Variants in HELQ observed in about 807,000 individuals in gnomAD.
The protein encoded by HELQ is helicase, POLQ like.
HELQ carries 77 observed loss-of-function variants against 111.6 expected under a neutral mutation model. The ratio of observed to expected loss-of-function variants is 0.69; its 90% CI spans 0.57 to 0.83. The LOEUF (loss-of-function observed/expected upper bound fraction) is 0.83. Ranked by LOEUF, HELQ falls within the 40% of genes least tolerant of loss-of-function variation. The pLI, the probability that HELQ is intolerant of heterozygous loss-of-function variation, is 0.00. For missense variants in HELQ, 1,200 were observed against 1,288.5 expected, an observed-to-expected ratio of 0.93 and a Z score of 1.05; for synonymous variants, 438 against 454.7, an observed-to-expected ratio of 0.96 and a Z score of 0.47.
chr4:83,439,806 CAT>C lies in HELQ; in HGVS notation c.1808+55_1808+56del. On this transcript the variant is annotated intron_variant, in intron 8 of 17. Transcript: ENST00000295488. ...TAGTGTTTGCCCAATAAAATTAATA[CAT>C]AGTCTGTAATTCCTAATAAAAATAA... 2.6e-6 allele frequency: 3 copies of C among 1,139,848 alleles called. No individual in the cohort carries two copies. The South Asian group carries it at 4.2e-5, about 16-fold the overall frequency. 70.6% of individuals were successfully genotyped at this position (1,139,848 alleles called of 1,614,324 possible).
intron 6 of HELQ, among the ~76,000 whole-genome samples, chr4:83,443,197 T>C (rs945895703): frequency 1.1e-4 from 16 of 152,242 alleles, no homozygotes; most frequent in Non-Finnish European, 2.2e-4. Flanking sequence ...CACTAAAATT[T>C]TGCCAAATAA....
Position 83,431,665 on chromosome 4 carries a change from T to G in HELQ, c.2294A>C (p.Lys765Thr). The change falls in exon 11 of 18, where the codon AAG (lysine) becomes ACG (threonine). Residue 765 changes from lysine (K) to threonine (T), a missense_variant and splice_region_variant. Around this residue, in one of 3 missense-constraint regions of HELQ, gnomAD observed 585 missense variants for 665.3 expected, o/e 0.88. Coordinates refer to ENST00000295488, the MANE Select transcript of HELQ (RefSeq NM_133636.5). The stretch of plus-strand genomic sequence containing the variant: ...AGATAAAAAATTTAAGAAAAATACC[T>G]TCAAACCAATCAAAGAGAGAAATAA... The part of the protein sequence containing the change: ...QTLFLSLIGL[K>T]IATNLDDIYH... 1 of 1,519,554 alleles carries G rather than the reference T, an allele frequency of 6.6e-7. No individual in the cohort carries two copies. Among genetic ancestry groups the G allele is most frequent in the African/African-American group, 1.4e-5 (1 of 70,716 alleles). 94.1% of individuals were successfully genotyped at this position (1,519,554 alleles called of 1,614,324 possible).
intron 9 of HELQ, among the ~76,000 whole-genome samples, chr4:83,433,402 T>A (rs1560548699): frequency 6.6e-6 from 1 of 152,124 alleles, no homozygotes; most frequent in Non-Finnish European, 1.5e-5. Context: ...GCGTGGTGGC[T>A]CACGCCTGTA....
At position 83,447,737 on chromosome 4, in the gene HELQ, C is replaced by G. The variant is rs372583814; in HGVS notation, c.1192-702G>C. Among the ~76,000 whole-genome samples the G allele has an allele frequency of 3.8e-4, 58 of 151,234 alleles. 1 individual carries two copies. Among genetic ancestry groups the G allele is most frequent in the African/African-American group, 1.3e-3 (54 of 41,082 alleles). The stretch of plus-strand genomic sequence containing the variant: ...AGCCGGGCGTGGTGGCGTGTGCTTG[C>G]GATTCTGGCTGCTGGGTGGGGTCGT... On this transcript the variant is annotated intron_variant, in intron 3 of 17. Transcript: ENST00000295488.
At chr4:83,438,046 A>G (rs2109996638) in intron 8 of HELQ, among the ~76,000 whole-genome samples, 1 of 152,328 alleles carries the variant, frequency 6.6e-6, no homozygotes, top group Admixed American at 6.5e-5. Context: ...AAATCATTGT[A>G]AAAGCAGACT....
Position 83,453,662 on chromosome 4 carries a change from T to C in HELQ, c.581A>G (p.Asp194Gly), listed in dbSNP as rs1721533028. 2 of 1,614,160 alleles carry C rather than the reference T, an allele frequency of 1.2e-6. No homozygotes were observed. The highest frequency in any genetic ancestry group is 1.7e-6 in the Non-Finnish European group (2 of 1,179,986). Reference protein sequence around the residue: ...TIEPGADLLYDVPSSQAIYFE... With the variant: ...TIEPGADLLYGVPSSQAIYFE... Reference sequence around the variant, plus strand: ...GTATATAGCCTGTGAGGAAGGTACATCATACAAAAGATCAGCTCCAGGTTC... The same window carrying C: ...GTATATAGCCTGTGAGGAAGGTACACCATACAAAAGATCAGCTCCAGGTTC... The change falls in exon 2 of 18, where the codon GAT becomes GGT. Residue 194 changes from aspartate to glycine, a missense_variant. By Grantham distance (94) the Asp-to-Gly change is moderately conservative (BLOSUM62 -1). Coordinates refer to ENST00000295488, the MANE Select transcript of HELQ (RefSeq NM_133636.5).
intron 2 of HELQ, among the ~76,000 whole-genome samples, chr4:83,450,154 A>G (rs1023920364): frequency 2.0e-5 from 3 of 147,664 alleles, no homozygotes; most frequent in East Asian, 2.1e-4. Context: ...CAATCAACCA[A>G]TGAGATTCTT....
chr4:83,446,159 C>A, intron 4 of HELQ, 73 bp from the exon 5 acceptor site: 1 of 1,006,064 alleles, frequency 9.9e-7, no homozygotes, highest in Non-Finnish European at 1.6e-6. Flanking sequence ...TGCATATATT[C>A]ATATGAAATT....
intron 14 of HELQ, among the ~76,000 whole-genome samples, chr4:83,424,575 T>C (rs1032062785): frequency 5.3e-5 from 8 of 152,076 alleles, no homozygotes; most frequent in Admixed American, 5.2e-4. Flanking sequence ...GAATTTTTTT[T>C]TGAGACAGAG....
chr4:83,446,181 A>G, intron 4 of HELQ, 95 bp from the exon 5 acceptor site: 1 of 833,024 alleles, frequency 1.2e-6, no homozygotes, highest in Non-Finnish European at 2.0e-6. Context: ...GTTTGTAAAG[A>G]GTTGCTTATA....
intron 14 of HELQ, among the ~76,000 whole-genome samples, chr4:83,425,607 G>T (rs1406913074): frequency 6.6e-6 from 1 of 152,022 alleles, no homozygotes; most frequent in Non-Finnish European, 1.5e-5. Flanking sequence ...GTTCTTTGAG[G>T]ATGACAAAAG....
intron 17 of HELQ, among the ~76,000 whole-genome samples, chr4:83,416,476 C>T (rs1352780530): frequency 6.6e-6 from 1 of 152,140 alleles, no homozygotes; most frequent in African/African-American, 2.4e-5. Flanking sequence ...CCCATCTTGA[C>T]CTTCCAAAGA....
intron 2 of HELQ, among the ~76,000 whole-genome samples, chr4:83,449,247 A>T (rs1439977816): frequency 6.6e-6 from 1 of 152,216 alleles, no homozygotes; most frequent in Non-Finnish European, 1.5e-5. Flanking sequence ...CTCGTGGACA[A>T]GGAGTGCCAT....
intron 13 of HELQ, among the ~76,000 whole-genome samples, chr4:83,426,417 C>T (rs2109980737): frequency 6.6e-6 from 1 of 151,356 alleles, no homozygotes; most frequent in African/African-American, 2.4e-5. Context: ...AAACTTACTT[C>T]CTGAGTAATG....
intron 17 of HELQ, among the ~76,000 whole-genome samples, chr4:83,410,643 T>C (rs1050754305): frequency 2.6e-5 from 4 of 152,158 alleles, no homozygotes; most frequent in Non-Finnish European, 4.4e-5. Context: ...TTAAAGATGA[T>C]TGGAAATTCT....
At chr4:83,422,423 T>G (rs944072878) in intron 14 of HELQ, among the ~76,000 whole-genome samples, 2 of 152,186 alleles carry the variant, frequency 1.3e-5, no homozygotes, top group African/African-American at 4.8e-5. Flanking sequence ...GTTAAGGATC[T>G]CTAGGTGAAA....
intron 17 of HELQ, among the ~76,000 whole-genome samples, chr4:83,415,848 T>C (rs1473973131): frequency 1.3e-5 from 2 of 152,094 alleles, no homozygotes; most frequent in Non-Finnish European, 2.9e-5. Flanking sequence ...GGTTTTACCA[T>C]GTTGGCCAGG....
In HELQ at chr4:83,437,006, G is replaced by A. The variant is rs745464276; in HGVS notation, c.1900C>T (p.Arg634Cys). The change falls in exon 9 of 18, where the codon CGC (arginine) becomes TGC (cysteine). Residue 634 changes from arginine to cysteine, a missense_variant. Arg to Cys is a radical substitution (Grantham distance 180, BLOSUM62 -3). Around this residue, in one of 3 missense-constraint regions of HELQ, gnomAD observed 585 missense variants for 665.3 expected, o/e 0.88. Transcript: ENST00000295488. ...GNGNLCPVLK[R>C]TIPFGVAYHH... ...TAGGCAACTCCAAATGGGATAGTGCGCTTTAAAACAGGACACAGGTTGCCA... is the reference window on the plus strand; with the variant it reads ...TAGGCAACTCCAAATGGGATAGTGCACTTTAAAACAGGACACAGGTTGCCA... 103 of 1,614,028 alleles carry A rather than the reference G, an allele frequency of 6.4e-5. 1 individual carries two copies. Among genetic ancestry groups the A allele is most frequent in the South Asian group, 6.1e-4 (56 of 91,076 alleles).
rs1372539828 is a variant in HELQ, at chr4:83,418,121, G to T, written c.3035C>A (p.Pro1012His). 1.9e-6 allele frequency: 3 copies of T among 1,605,412 alleles called. No homozygotes were observed. Among genetic ancestry groups the T allele is most frequent in the Non-Finnish European group, 2.6e-6 (3 of 1,175,104 alleles). ...LTYCVKAELI[P>H]LMEVTGVLEG... ...TAAAACTCCAGTAACTTCCATGAGA[G>T]GGATTAATTCTGCCTTTACACAGTA... Residue 1012 changes from proline to histidine, a missense_variant, in exon 16 of 18, where the codon CCT becomes CAT. By Grantham distance (77) the Pro-to-His change is moderately conservative. Around this residue, in one of 3 missense-constraint regions of HELQ, gnomAD observed 585 missense variants for 665.3 expected, o/e 0.88. Transcript: ENST00000295488.
Sources: allele counts gnomAD v4.1 joint callset (sites outside exome capture counted in the v4.1 genomes callset), GRCh38; gene constraint gnomAD v4.1.1; regional missense constraint gnomAD v4.1.1; transcripts MANE v1.5; gene names NCBI Gene and HGNC (gene_info 2026-07-23, HGNC 2026-07-21).